Variants in PLEC observed in about 807,000 individuals in gnomAD.
PLEC encodes the protein plectin, also known as hemidesmosomal protein 1.
In PLEC, 216 loss-of-function variants were observed where a neutral mutation model predicts 392.8. That is an observed-to-expected ratio of 0.55 (90% CI 0.49 to 0.62). PLEC has a LOEUF of 0.62. PLEC is among the 20% of genes least tolerant of loss of function. PLEC has a pLI of 0.00. For missense variants in PLEC, 6,863 were observed against 6,563.4 expected (o/e 1.05, Z -1.58); for synonymous variants, 3,621 against 2,980.6 (o/e 1.21, Z -7.00).
upstream of PLEC, among the ~76,000 whole-genome samples, chr8:143,953,457 G>A (rs1468723498): frequency 1.3e-5 from 2 of 151,224 alleles, no homozygotes; most frequent in Admixed American, 1.3e-4. Context: ...CCCCGCCGCC[G>A]CCGCCGCCGC....
chr8:143,930,912 T>G (rs941067058), intron 19 of PLEC, among the ~76,000 whole-genome samples: 32 of 152,118 alleles, frequency 2.1e-4, no homozygotes, highest in Non-Finnish European at 4.4e-4. Flanking sequence ...ACCTGGGAGC[T>G]GCCGGCTCTC....
chr8:143,925,171 G>C lies in PLEC; in HGVS notation c.4758C>G (p.Ala1586=), dbSNP rs782073897. 1.7e-5 allele frequency: 27 copies of C among 1,563,452 alleles called. No individual in the cohort carries two copies. Among genetic ancestry groups the C allele is most frequent in the Admixed American group, 3.6e-5 (2 of 55,756 alleles). The change falls in exon 31 of 32, where the codon GCC becomes GCG. Residue 1586 remains alanine, a synonymous_variant. Coordinates refer to ENST00000345136, the MANE Select transcript of PLEC (RefSeq NM_201384.3). ...AELQSKRASF[A]EKTAQLERSL... ...AGCGCTCCAGCTGTGCCGTCTTCTCGGCGAAGGAGGCGCGTTTGCTCTGCA... is the reference window on the plus strand; with the variant it reads ...AGCGCTCCAGCTGTGCCGTCTTCTCCGCGAAGGAGGCGCGTTTGCTCTGCA...
intron 1 of PLEC, among the ~76,000 whole-genome samples, chr8:143,948,851 G>C (rs575251925): frequency 6.6e-6 from 1 of 152,258 alleles, no homozygotes; most frequent in Non-Finnish European, 1.5e-5. Flanking sequence ...TGACCGGGGA[G>C]TGGGTGGGCA....
chr8:143,927,770 T>C lies in PLEC; in HGVS notation c.3400-4A>G, dbSNP rs782585854. On this transcript the variant is annotated splice_region_variant and splice_polypyrimidine_tract_variant and intron_variant, in intron 26 of 31. Coordinates refer to ENST00000345136, the MANE Select transcript of PLEC (RefSeq NM_201384.3). ...CCTCGGCCTGGGCCCGCAGCTTCTG[T>C]TGGGGACAGGAGGGACATGTGCGGC... 11 of 1,600,926 alleles carry C rather than the reference T, an allele frequency of 6.9e-6. No homozygotes were observed. Among genetic ancestry groups the C allele is most frequent in the Middle Eastern group, 1.7e-4 (1 of 6,040 alleles).
In PLEC at chr8:143,920,436, G is replaced by T; in HGVS notation, c.9385C>A (p.Gln3129Lys). Residue 3129 changes from glutamine to lysine, a missense_variant, in exon 32 of 32, where the codon CAG becomes AAG. Physicochemically the swap from Gln to Lys is moderately conservative, Grantham distance 53 (BLOSUM62 1). Transcript: ENST00000345136. ...ALKKGLIPRE[Q>K]GLRLLDAQLS... ...TGGGCGTCCAACAGGCGCAGGCCCT[G>T]CTCCCGGGGAATGAGGCCCTTCTTC... 6.3e-7 allele frequency: 1 copy of T among 1,598,524 alleles called. No individual in the cohort carries two copies. The highest frequency in any genetic ancestry group is 8.5e-7 in the Non-Finnish European group (1 of 1,174,534).
rs1367674260 is a variant in PLEC, at chr8:143,917,049, TG to T, written c.12771del (p.Ile4258SerfsTer117). ...SSSVGSSSSY[P>X]ISPAVSRTQL... ...TGGGTCCTGGAGACGGCGGGGCTGA[TG>T]GGGTAGGAGGAGGAGGATCCCACCG... On this transcript the variant is annotated frameshift_variant, in exon 32 of 32. Transcript: ENST00000345136. LOFTEE classifies it high-confidence loss of function. The T allele has an allele frequency of 1.2e-6, 2 of 1,609,100 alleles. No homozygotes were observed. Among genetic ancestry groups the T allele is most frequent in the Non-Finnish European group, 1.7e-6 (2 of 1,177,172 alleles).
upstream of PLEC, among the ~76,000 whole-genome samples, chr8:143,957,970 GC>G (rs1832684250): frequency 6.6e-6 from 1 of 152,148 alleles, no homozygotes; most frequent in African/African-American, 2.4e-5. Context: ...CCCGACAATA[GC>G]CCCAGGGAGA....
At position 143,927,875 on chromosome 8, in the gene PLEC, C is replaced by T. The variant is rs11991764; in HGVS notation, c.3378G>A (p.Glu1126=). The change falls in exon 26 of 32, where the codon GAG becomes GAA. Residue 1126 remains glutamate, a synonymous_variant. Coordinates refer to ENST00000345136, the MANE Select transcript of PLEC (RefSeq NM_201384.3). ...QAVPATLPEL[E]ATKASLKKLR... is the part of the protein sequence containing the mutation. ...ATACCTTCAGAGAGGCCTTGGTGGC[C>T]TCGAGCTCCGGGAGGGTGGCCGGCA... 0.015 allele frequency: 24,333 copies of T among 1,589,934 alleles called. 2,128 individuals are homozygous for T. In the African/African-American group the frequency reaches 0.23, roughly 15 times the overall value.
chr8:143,958,587 C>G (rs782817310), upstream of PLEC: 3 of 421,466 alleles, frequency 7.1e-6, no homozygotes, highest in South Asian at 4.8e-5. This position sits in a 1 kb window ranked among gnomAD's most constrained non-coding sequence, Gnocchi z 4.9. Flanking sequence ...TCCCTCGTTG[C>G]CCCTCACCTC....
chr8:143,917,679 C>T lies in PLEC; in HGVS notation c.12142G>A (p.Ala4048Thr), dbSNP rs782570858. 26 of 1,613,486 alleles carry T rather than the reference C, an allele frequency of 1.6e-5. No homozygotes were observed. The highest frequency in any genetic ancestry group is 1.6e-4 in the Middle Eastern group (1 of 6,084). Residue 4048 changes from alanine (A) to threonine (T), a missense_variant, in exon 32 of 32, where the codon GCC (alanine) becomes ACC (threonine). Physicochemically the swap from Ala to Thr is moderately conservative, Grantham distance 58. Transcript: ENST00000345136. The part of the protein sequence containing the change: ...HGIRLLEAQI[A>T]TGGIIDPEES... ...TCAGGGTCGATGATGCCGCCCGTGGCGATCTGGGCCTCCAGCAGGCGGATG... is the reference window on the plus strand; with the variant it reads ...TCAGGGTCGATGATGCCGCCCGTGGTGATCTGGGCCTCCAGCAGGCGGATG...
In PLEC at chr8:143,921,642, G is replaced by C. The variant is rs780935250; in HGVS notation, c.8179C>G (p.Leu2727Val). 1.2e-6 allele frequency: 2 copies of C among 1,613,024 alleles called. No homozygotes were observed. Among genetic ancestry groups the C allele is most frequent in the Non-Finnish European group, 1.7e-6 (2 of 1,179,914 alleles). Residue 2727 changes from leucine (L) to valine (V), a missense_variant, in exon 32 of 32, where the codon CTC becomes GTC. Transcript: ENST00000345136. ...QRQLLSPGTA[L>V]ILLEAQAASG... ...GCCGCCTGCGCCTCCAGCAGGATGA[G>C]GGCCGTGCCGGGACTCAGCAGCTGC... is the stretch of plus-strand genomic sequence containing the variant.
In PLEC at chr8:143,935,194, G is replaced by T; in HGVS notation, c.718+4C>A. ...GGACAGGGAGGAAGGCCACGCAGACGTACCCTCAGGGTCCAGGAGCCGCGT... is the reference window on the plus strand; with the variant it reads ...GGACAGGGAGGAAGGCCACGCAGACTTACCCTCAGGGTCCAGGAGCCGCGT... On this transcript the variant is annotated splice_donor_region_variant and intron_variant, in intron 7 of 31. Coordinates refer to ENST00000345136, the MANE Select transcript of PLEC (RefSeq NM_201384.3). 1 of 1,611,800 alleles carries T rather than the reference G, an allele frequency of 6.2e-7. No individual in the cohort carries two copies. The highest frequency in any genetic ancestry group is 8.5e-7 in the Non-Finnish European group (1 of 1,179,102).
Position 143,923,809 on chromosome 8 carries a change from C to T in PLEC, c.6120G>A (p.Gln2040=), listed in dbSNP as rs1554694302. 1.3e-6 allele frequency: 2 copies of T among 1,581,472 alleles called. No homozygotes were observed. Among genetic ancestry groups the T allele is most frequent in the African/African-American group, 2.7e-5 (2 of 74,492 alleles). Residue 2040 remains glutamine, a synonymous_variant, in exon 31 of 32, where the codon CAG becomes CAA. Coordinates refer to ENST00000345136, the MANE Select transcript of PLEC (RefSeq NM_201384.3). The part of the protein sequence containing the change: ...QESARQLQLA[Q]EAAQKRLQAE... ...CCTGCAGCCGCTTCTGGGCGGCCTC[C>T]TGGGCCAGCTGCAGCTGCCGCGCCG...
chr8:143,953,795 C>T (rs782097930), upstream of PLEC: 1 of 1,611,612 alleles, frequency 6.2e-7, no homozygotes, highest in South Asian at 1.1e-5. Flanking sequence ...CTGAGGGCGG[C>T]TGTGCCACCA....
intron 1 of PLEC, among the ~76,000 whole-genome samples, chr8:143,966,015 C>A (rs75895297): frequency 6.6e-6 from 1 of 152,236 alleles, no homozygotes; most frequent in African/African-American, 2.4e-5. Context: ...CTGGACCCAC[C>A]ATAGCCTGGC....
At chr8:143,950,828 AGGCG>A in exon 1 of PLEC, 2 of 1,489,556 alleles carry the variant, frequency 1.3e-6, no homozygotes, top group Non-Finnish European at 1.8e-6. Flanking sequence ...GCGGCAGGGC[AGGCG>A]GGCGGGCAGG....
Position 143,933,996 on chromosome 8 carries a change from A to ACCGACTGCAGCAGGGCGT in PLEC, c.1247_1263+1dup. ...CCCACTGCCTGCCCCACACCCCCTC[A>ACCGACTGCAGCAGGGCGT]CCGACTGCAGCAGGGCGTCGGCCTG... On this transcript the variant is annotated splice_donor_variant, in intron 12 of 31. Transcript: ENST00000345136. LOFTEE classifies it high-confidence loss of function. The ACCGACTGCAGCAGGGCGT allele has an allele frequency of 6.2e-7, 1 of 1,601,294 alleles. No individual in the cohort carries two copies.
In PLEC at chr8:143,922,520, T is replaced by C. The variant is rs782202658; in HGVS notation, c.7409A>G (p.Gln2470Arg). The C allele has an allele frequency of 6.2e-7, 1 of 1,610,676 alleles. No homozygotes were observed. Among genetic ancestry groups the C allele is most frequent in the Non-Finnish European group, 8.5e-7 (1 of 1,180,002 alleles). The change falls in exon 31 of 32, where the codon CAG becomes CGG. Residue 2470 changes from glutamine to arginine, a missense_variant. By Grantham distance (43) the Gln-to-Arg change is conservative (BLOSUM62 1). Transcript: ENST00000345136. ...EKLQQEAKLL[Q>R]LKSEEMQTVQ... ...GGGCGGTACCTCCTCAGACTTGAGCTGCAGCAGTTTGGCCTCCTGTTGGAG... is the reference window on the plus strand; with the variant it reads ...GGGCGGTACCTCCTCAGACTTGAGCCGCAGCAGTTTGGCCTCCTGTTGGAG...
chr8:143,967,093 G>GT (rs1485594539), intron 1 of PLEC, among the ~76,000 whole-genome samples: 3 of 152,152 alleles, frequency 2.0e-5, no homozygotes. Context: ...GCCAGGCGCG[G>GT]TGGCTCACGC....
Sources: gnomAD v4.1 joint callset for allele counts (sites outside exome capture counted in the v4.1 genomes callset) on GRCh38, gnomAD v4.1.1 for gene constraint, Gnocchi (gnomAD v3.1) non-coding constraint, MANE v1.5 for transcripts, NCBI Gene and HGNC (gene_info 2026-07-23, HGNC 2026-07-21) for gene names.